The following CAMTA1 variants were observed in gnomAD, a reference collection of about 807,000 sequenced individuals.
CAMTA1 encodes the protein calmodulin binding transcription activator 1.
In CAMTA1, 27 loss-of-function variants were observed where a neutral mutation model predicts 170.9. The observed-to-expected ratio is 0.16, with a 90% confidence interval of 0.12 to 0.22. CAMTA1 has a LOEUF of 0.22. Ranked by LOEUF, CAMTA1 falls within the 10% of genes least tolerant of loss-of-function variation. CAMTA1 has a pLI of 1.00. For synonymous variants in CAMTA1, 833 were observed against 891.5 expected, an observed-to-expected ratio of 0.93 and a Z score of 1.17; for missense variants, 1,619 against 2,217.2, an observed-to-expected ratio of 0.73 and a Z score of 5.42.
intron 3 of CAMTA1, among the ~76,000 whole-genome samples, chr1:6,937,071 C>G (rs970170714): frequency 6.6e-6 from 1 of 151,994 alleles, no homozygotes; most frequent in Non-Finnish European, 1.5e-5. Context: ...ACCATCATAA[C>G]CATCACTTAT....
At chr1:7,703,995 C>T (rs57732682) in intron 11 of CAMTA1, among the ~76,000 whole-genome samples, 2,346 of 152,124 alleles carry the variant, frequency 0.015, 55 homozygotes, top group African/African-American at 0.053. Flanking sequence ...GCGCCGCACC[C>T]CCTCCCCAAA....
At chr1:6,827,484 C>A (rs938457346) in intron 3 of CAMTA1, among the ~76,000 whole-genome samples, 5 of 151,470 alleles carry the variant, frequency 3.3e-5, no homozygotes, top group African/African-American at 1.2e-4. Flanking sequence ...CGAAGACTTA[C>A]CCTACGAATT....
chr1:7,296,213 C>T (rs1265955565), intron 5 of CAMTA1, among the ~76,000 whole-genome samples: 2 of 152,162 alleles, frequency 1.3e-5, no homozygotes, highest in African/African-American at 4.8e-5. Context: ...CACCATCTTC[C>T]CAGTAAAGTA....
intron 5 of CAMTA1, among the ~76,000 whole-genome samples, chr1:7,279,544 C>A (rs764356818): frequency 1.3e-5 from 2 of 152,126 alleles, no homozygotes; most frequent in African/African-American, 4.8e-5. Flanking sequence ...TCAAGCAGCT[C>A]GGTACGGGGA....
chr1:7,010,789 T>G lies in CAMTA1; in HGVS notation c.235-80515T>G, dbSNP rs1032209015. Among the ~76,000 whole-genome samples the G allele has an allele frequency of 6.6e-6, 1 of 152,202 alleles. No individual in the cohort carries two copies. The highest frequency in any genetic ancestry group is 2.4e-5 in the African/African-American group (1 of 41,454). ...GTAAGATTTCTTACTAACAGTTTCTTGTACTCAGCTTCCCCATCACCTTCC... is the reference window on the plus strand; with the variant it reads ...GTAAGATTTCTTACTAACAGTTTCTGGTACTCAGCTTCCCCATCACCTTCC... On this transcript the variant is annotated intron_variant, in intron 3 of 22. Transcript: ENST00000303635. The surrounding 1 kb of genome is among the most constrained non-coding windows in gnomAD (Gnocchi z 4.4).
intron 6 of CAMTA1, among the ~76,000 whole-genome samples, chr1:7,558,652 C>G (rs2094913698): frequency 6.6e-6 from 1 of 152,246 alleles, no homozygotes; most frequent in South Asian, 2.1e-4. Flanking sequence ...TCCCCCCAGC[C>G]CCGAAACACA....
In CAMTA1 at chr1:6,915,000, C is replaced by T. The variant is rs148271625; in HGVS notation, c.234+89790C>T. Among the ~76,000 whole-genome samples the T allele has an allele frequency of 1.6e-3, 246 of 152,268 alleles. 1 individual carries two copies. The highest frequency in any genetic ancestry group is 5.0e-3 in the African/African-American group (209 of 41,544). ...GGAGCTGCTTCAAGAATAAGCAGAG[C>T]GGGAGGCTCGGCCCTGCTCTGGCTC... On this transcript the variant is annotated intron_variant, in intron 3 of 22. Transcript: ENST00000303635.
At chr1:7,515,538 A>G (rs1473248996) in intron 6 of CAMTA1, among the ~76,000 whole-genome samples, 1 of 152,178 alleles carries the variant, frequency 6.6e-6, no homozygotes, top group African/African-American at 2.4e-5. Context: ...GGATGGGCAC[A>G]GCTGAGTTTA....
At position 7,065,300 on chromosome 1, in the gene CAMTA1, C is replaced by T. The variant is rs943628179; in HGVS notation, c.235-26004C>T. On this transcript the variant is annotated intron_variant, in intron 3 of 22. Transcript: ENST00000303635. This position sits in a 1 kb window ranked among gnomAD's most constrained non-coding sequence, Gnocchi z 5.2. ...CAGTTGTTGCAGGAAGATGGACAGCCCATGAGGTTTCCCAGAGGGCCTGGC... is the reference window on the plus strand; with the variant it reads ...CAGTTGTTGCAGGAAGATGGACAGCTCATGAGGTTTCCCAGAGGGCCTGGC... Among the ~76,000 whole-genome samples, 67 of 152,132 alleles carry T rather than the reference C, an allele frequency of 4.4e-4. No individual in the cohort carries two copies. The highest frequency in any genetic ancestry group is 1.6e-3 in the African/African-American group (67 of 41,506).
At chr1:6,982,723 C>T (rs562324105) in intron 3 of CAMTA1, among the ~76,000 whole-genome samples, 28 of 152,266 alleles carry the variant, frequency 1.8e-4, no homozygotes, top group African/African-American at 6.7e-4. Flanking sequence ...CTAGGACCCC[C>T]TCCTGGCTGC....
intron 3 of CAMTA1, among the ~76,000 whole-genome samples, chr1:6,922,720 A>G (rs1415235932): frequency 6.6e-6 from 1 of 152,180 alleles, no homozygotes; most frequent in African/African-American, 2.4e-5. Context: ...GCCAGCCTGT[A>G]TTCAGTGGGA....
intron 12 of CAMTA1, among the ~76,000 whole-genome samples, chr1:7,733,038 A>G (rs1176902494): frequency 2.0e-5 from 3 of 152,046 alleles, no homozygotes; most frequent in Non-Finnish European, 4.4e-5. Context: ...TATAGAAAAA[A>G]AAAATTTTTT....
At position 7,680,501 on chromosome 1, in the gene CAMTA1, C is replaced by A. The variant is rs1419976841; in HGVS notation, c.2914+2768C>A. 2.0e-5 allele frequency among the ~76,000 whole-genome samples: 3 copies of A among 151,460 alleles called. No homozygotes were observed. Among genetic ancestry groups the A allele is most frequent in the African/African-American group, 4.8e-5 (2 of 41,296 alleles). On this transcript the variant is annotated intron_variant, in intron 11 of 22. Coordinates refer to ENST00000303635, the MANE Select transcript of CAMTA1 (RefSeq NM_015215.4). The surrounding 1 kb of genome is among the most constrained non-coding windows in gnomAD (Gnocchi z 4.4). ...GCCGACGCGCAGCCGCAATGCGGGG[C>A]CCTTCGCGGAACTGCTGGCGGCGCC... is the stretch of plus-strand genomic sequence containing the variant.
chr1:7,306,912 A>C (rs1386246553), intron 5 of CAMTA1, among the ~76,000 whole-genome samples: 2 of 151,942 alleles, frequency 1.3e-5, no homozygotes, highest in Non-Finnish European at 2.9e-5. Context: ...TAGCATCTAC[A>C]TTAGGTATTA....
At chr1:6,892,562 C>G (rs540310490) in intron 3 of CAMTA1, among the ~76,000 whole-genome samples, 1 of 150,410 alleles carries the variant, frequency 6.6e-6, no homozygotes, top group Non-Finnish European at 1.5e-5. Context: ...AATCTGAAAA[C>G]AGAAATGAGT....
intron 3 of CAMTA1, among the ~76,000 whole-genome samples, chr1:6,857,669 G>A (rs1662953251): frequency 6.6e-6 from 1 of 150,400 alleles, no homozygotes; most frequent in African/African-American, 2.5e-5. Flanking sequence ...GGAAGAGAAG[G>A]CATTCGTTAA....
intron 6 of CAMTA1, among the ~76,000 whole-genome samples, chr1:7,629,893 G>A (rs977111807): frequency 1.3e-5 from 2 of 151,958 alleles, no homozygotes; most frequent in African/African-American, 4.8e-5. Context: ...GTGGCAGCTC[G>A]AGCTGCCAGC....
At chr1:7,214,849 T>C (rs1362153852) in intron 4 of CAMTA1, among the ~76,000 whole-genome samples, 1 of 91,050 alleles carries the variant, frequency 1.1e-5, no homozygotes, top group Non-Finnish European at 2.1e-5. Flanking sequence ...TGGAGACTTT[T>C]TCTTTCTTTC....
chr1:6,802,740 C>CTTT (rs575213311), intron 1 of CAMTA1, among the ~76,000 whole-genome samples: 7 of 145,450 alleles, frequency 4.8e-5, no homozygotes, highest in African/African-American at 1.3e-4. Context: ...CTCTCTCTCT[C>CTTT]TTTTTTTTTT....
Sources: allele counts gnomAD v4.1 joint callset (sites outside exome capture counted in the v4.1 genomes callset), GRCh38; gene constraint gnomAD v4.1.1; non-coding constraint Gnocchi (gnomAD v3.1); transcripts MANE v1.5; gene names NCBI Gene and HGNC (gene_info 2026-07-23, HGNC 2026-07-21).